DLEU7: variants seen among roughly 807,000 people sequenced by gnomAD.
The protein encoded by DLEU7 is deleted in lymphocytic leukemia 7.
In DLEU7, 17 loss-of-function variants were observed where a neutral mutation model predicts 16.0. The ratio of observed to expected loss-of-function variants is 1.06; its 90% CI spans 0.73 to 1.59. The LOEUF is 1.59. Among genes scored for constraint, DLEU7 ranks in the 40% most tolerant of loss-of-function variants. The pLI is 0.00. For missense variants in DLEU7, 308 were observed against 314.9 expected (o/e 0.98, Z 0.17); for synonymous variants, 113 against 139.8 (o/e 0.81, Z 1.35).
intron 1 of DLEU7, among the ~76,000 whole-genome samples, chr13:50,741,278 C>T (rs1874243938): frequency 6.6e-6 from 1 of 152,170 alleles, no homozygotes. Flanking sequence ...ATGCCTAATC[C>T]TCCTCCTCAA....
At chr13:50,712,141 T>G (rs1873311229) in exon 2 of DLEU7, 1 of 152,220 alleles carries the variant, frequency 6.6e-6, no homozygotes, top group Admixed American at 6.5e-5. Context: ...ACTTTGACTT[T>G]CAGCTGTTAG....
chr13:50,773,085 C>T (rs1875374654), intron 1 of DLEU7, among the ~76,000 whole-genome samples: 2 of 152,148 alleles, frequency 1.3e-5, no homozygotes, highest in South Asian at 4.1e-4. Flanking sequence ...GCATGCGTCA[C>T]GTAGTTCTCG....
At chr13:50,770,345 GT>G (rs1875259280) in intron 1 of DLEU7, among the ~76,000 whole-genome samples, 1 of 152,158 alleles carries the variant, frequency 6.6e-6, no homozygotes, top group East Asian at 1.9e-4. Flanking sequence ...TCCCTGTCTT[GT>G]GCCAGTTTTC....
Position 50,796,583 on chromosome 13 carries a change from T to C in DLEU7, c.459+46605A>G, listed in dbSNP as rs1335522343. Among the ~76,000 whole-genome samples, 6 of 152,222 alleles carry C rather than the reference T, an allele frequency of 3.9e-5. No individual in the cohort carries two copies. The East Asian group carries it at 1.2e-3, about 29-fold the overall frequency. ...CAGTTGGCCACAGTTAACAAAAAAC[T>C]CAGAAACTGAAACCAGGTATAAGTG... On this transcript the variant is annotated intron_variant, in intron 1 of 1. Coordinates refer to the DLEU7 transcript ENST00000400393.
intron 1 of DLEU7, among the ~76,000 whole-genome samples, chr13:50,759,341 G>T (rs911166314): frequency 1.4e-4 from 22 of 152,150 alleles, no homozygotes; most frequent in African/African-American, 5.1e-4. Context: ...TTCATCTACT[G>T]GAAGAATGGC....
At chr13:50,814,074 T>G (rs912617172) in intron 1 of DLEU7, among the ~76,000 whole-genome samples, 1 of 152,202 alleles carries the variant, frequency 6.6e-6, no homozygotes, top group African/African-American at 2.4e-5. Flanking sequence ...TAATAGTCAT[T>G]TTTTAATATA....
At chr13:50,797,997 A>G (rs1361215452) in intron 1 of DLEU7, among the ~76,000 whole-genome samples, 2 of 152,198 alleles carry the variant, frequency 1.3e-5, no homozygotes, top group Non-Finnish European at 2.9e-5. Flanking sequence ...TTCACAGTCT[A>G]ACAGATGGGT....
intron 1 of DLEU7, among the ~76,000 whole-genome samples, chr13:50,776,765 A>G (rs1232673146): frequency 6.6e-6 from 1 of 152,154 alleles, no homozygotes; most frequent in Non-Finnish European, 1.5e-5. Flanking sequence ...ATCTATAGTT[A>G]CTAGATCTGT....
At chr13:50,830,219 G>A (rs545893100) in intron 1 of DLEU7, among the ~76,000 whole-genome samples, 2 of 152,336 alleles carry the variant, frequency 1.3e-5, no homozygotes, top group Admixed American at 1.3e-4. Flanking sequence ...TTGATGGCCA[G>A]CATTTACATT....
intron 1 of DLEU7, chr13:50,808,849 G>GA (rs1320662419): frequency 1.3e-5 from 2 of 151,238 alleles, no homozygotes; most frequent in Non-Finnish European, 2.9e-5. Flanking sequence ...GTAAAATCAT[G>GA]AGTTTAGAAT....
At chr13:50,788,345 T>C (rs1022173401) in intron 1 of DLEU7, among the ~76,000 whole-genome samples, 1 of 152,194 alleles carries the variant, frequency 6.6e-6, no homozygotes, top group Non-Finnish European at 1.5e-5. Context: ...GCACCAGTTC[T>C]GGGCTGGCCT....
intron 1 of DLEU7, among the ~76,000 whole-genome samples, chr13:50,795,661 T>C (rs1330294696): frequency 2.0e-5 from 3 of 152,248 alleles, no homozygotes; most frequent in Non-Finnish European, 1.5e-5. Context: ...TATATGTATG[T>C]TACACATATT....
chr13:50,790,482 C>CA (rs74952973), intron 1 of DLEU7, among the ~76,000 whole-genome samples: 4 of 151,660 alleles, frequency 2.6e-5, no homozygotes, highest in Admixed American at 6.6e-5. Flanking sequence ...AAGGAGACCC[C>CA]CGCTGCTTTT....
chr13:50,723,588 G>A (rs1006045060), intron 1 of DLEU7, among the ~76,000 whole-genome samples: 1 of 152,108 alleles, frequency 6.6e-6, no homozygotes, highest in Non-Finnish European at 1.5e-5. Context: ...AGCGTCTTTG[G>A]TTTGTTGACA....
intron 1 of DLEU7, among the ~76,000 whole-genome samples, chr13:50,839,544 G>A (rs548657318): frequency 6.6e-6 from 1 of 152,154 alleles, no homozygotes; most frequent in African/African-American, 2.4e-5. Flanking sequence ...TAACCTTCTG[G>A]TGGATTGATC....
At chr13:50,767,413 G>A (rs1273723354) in intron 1 of DLEU7, among the ~76,000 whole-genome samples, 2 of 136,780 alleles carry the variant, frequency 1.5e-5, no homozygotes, top group African/African-American at 5.5e-5. Flanking sequence ...CCGAGATCGC[G>A]CCACTGCACT....
At chr13:50,753,013 G>A (rs1362816915) in intron 1 of DLEU7, among the ~76,000 whole-genome samples, 1 of 152,080 alleles carries the variant, frequency 6.6e-6, no homozygotes, top group African/African-American at 2.4e-5. Context: ...GTCCCCACCA[G>A]ATTAGCTACA....
chr13:50,783,557 A>C (rs764477964), intron 1 of DLEU7, among the ~76,000 whole-genome samples: 1 of 152,146 alleles, frequency 6.6e-6, no homozygotes, highest in African/African-American at 2.4e-5. Flanking sequence ...TTCCCTCCCT[A>C]GTATGGGGAG....
intron 1 of DLEU7, among the ~76,000 whole-genome samples, chr13:50,761,813 G>T (rs1203239084): frequency 6.6e-6 from 1 of 152,050 alleles, no homozygotes; most frequent in Non-Finnish European, 1.5e-5. Context: ...TCTTAAATGG[G>T]CATTTTAAAG....
Sources: allele counts gnomAD v4.1 joint callset (sites outside exome capture counted in the v4.1 genomes callset), GRCh38; gene constraint gnomAD v4.1.1; transcripts MANE v1.5; gene names NCBI Gene and HGNC (gene_info 2026-07-23, HGNC 2026-07-21).